Variants in INPP4B observed in about 807,000 individuals in gnomAD.
INPP4B encodes the protein inositol polyphosphate-4-phosphatase type II B.
INPP4B carries 55 observed loss-of-function variants against 122.5 expected under a neutral mutation model. The observed-to-expected ratio is 0.45, with a 90% CI of 0.36 to 0.56. The LOEUF (loss-of-function observed/expected upper bound fraction) is 0.56. Among genes scored for constraint, INPP4B ranks in the 20% least tolerant of loss-of-function variants. The pLI, the probability that INPP4B is intolerant of heterozygous loss-of-function variation, is 0.00. For missense variants in INPP4B, 1,000 were observed against 1,097.7 expected (o/e 0.91, Z 1.26); for synonymous variants, 403 against 388.7 (o/e 1.04, Z -0.43).
chr4:142,779,761 A>AAAT (rs1774515496), intron 1 of INPP4B, among the ~76,000 whole-genome samples: 1 of 152,174 alleles, frequency 6.6e-6, no homozygotes, highest in Non-Finnish European at 1.5e-5. Context: ...AAATGAATAA[A>AAAT]GGGAGGAAAG....
chr4:142,394,320 G>T (rs2173208), intron 7 of INPP4B, among the ~76,000 whole-genome samples: 77,025 of 151,818 alleles, frequency 0.51, 21,819 homozygotes, highest in South Asian at 0.72. Context: ...TGATTTTTTG[G>T]ATTTTTAGTA....
At chr4:142,599,197 A>G (rs1290640061) in intron 2 of INPP4B, among the ~76,000 whole-genome samples, 1 of 152,066 alleles carries the variant, frequency 6.6e-6, no homozygotes, top group African/African-American at 2.4e-5. Flanking sequence ...TTAGCCACCC[A>G]ACCCACTGCT....
At chr4:142,704,526 T>C (rs1347596319) in intron 2 of INPP4B, among the ~76,000 whole-genome samples, 3 of 152,278 alleles carry the variant, frequency 2.0e-5, no homozygotes, top group East Asian at 3.9e-4. Context: ...GCCACAAAAC[T>C]TACACATTCA....
intron 2 of INPP4B, among the ~76,000 whole-genome samples, chr4:142,493,668 T>C (rs1246403317): frequency 6.6e-6 from 1 of 152,216 alleles, no homozygotes; most frequent in Non-Finnish European, 1.5e-5. Context: ...TCAATGCTTG[T>C]AACTCCATTT....
intron 18 of INPP4B, among the ~76,000 whole-genome samples, chr4:142,138,465 A>T (rs542467610): frequency 4.0e-5 from 6 of 151,770 alleles, no homozygotes; most frequent in Admixed American, 3.3e-4. Context: ...GCAGCACACC[A>T]GCATGGCACA....
At chr4:142,435,282 G>GAA (rs1280766238) in intron 3 of INPP4B, among the ~76,000 whole-genome samples, 2 of 151,968 alleles carry the variant, frequency 1.3e-5, no homozygotes, top group African/African-American at 4.8e-5. Flanking sequence ...GTTTTGTTTT[G>GAA]TGCTCTCACT....
At chr4:142,368,479 T>C (rs1406081777) in intron 7 of INPP4B, among the ~76,000 whole-genome samples, 1 of 152,084 alleles carries the variant, frequency 6.6e-6, no homozygotes, top group Admixed American at 6.6e-5. Flanking sequence ...CTAAATAGCA[T>C]GTAACCATTC....
intron 2 of INPP4B, among the ~76,000 whole-genome samples, chr4:142,628,074 G>T (rs892258969): frequency 2.0e-5 from 3 of 151,808 alleles, no homozygotes; most frequent in African/African-American, 7.3e-5. Flanking sequence ...TATACCCAAA[G>T]GACTATAAAT....
chr4:142,189,380 T>C (rs1310311061), intron 15 of INPP4B, among the ~76,000 whole-genome samples: 1 of 152,234 alleles, frequency 6.6e-6, no homozygotes, highest in Non-Finnish European at 1.5e-5. Flanking sequence ...CCTGTTGTAT[T>C]TGATCTATAG....
rs934030479 is a variant in INPP4B at position 142,699,052 on chromosome 4, A to T, written c.-191+26787T>A. 2.0e-5 allele frequency among the ~76,000 whole-genome samples: 3 copies of T among 152,124 alleles called. No individual in the cohort carries two copies. The East Asian group carries it at 5.8e-4, about 29-fold the overall frequency. ...ACCCTCAGATATCCAGTACTGTTTCACGGGTAAAATGGACAGAGGTGGTGC... is the reference window on the plus strand; with the variant it reads ...ACCCTCAGATATCCAGTACTGTTTCTCGGGTAAAATGGACAGAGGTGGTGC... On this transcript the variant is annotated intron_variant, in intron 2 of 25. Coordinates refer to ENST00000262992, the MANE Select transcript of INPP4B (RefSeq NM_001101669.3).
intron 9 of INPP4B, among the ~76,000 whole-genome samples, chr4:142,283,251 G>A (rs1042440022): frequency 6.6e-6 from 1 of 152,050 alleles, no homozygotes; most frequent in Admixed American, 6.6e-5. Context: ...TTCCTACATG[G>A]GGAGATGGTG....
chr4:142,636,672 T>C (rs927352915), intron 2 of INPP4B, among the ~76,000 whole-genome samples: 3 of 152,036 alleles, frequency 2.0e-5, no homozygotes, highest in Non-Finnish European at 4.4e-5. Flanking sequence ...ATGGTATACA[T>C]GTAAGAAAAA....
intron 25 of INPP4B, among the ~76,000 whole-genome samples, chr4:142,053,393 G>A (rs1359328338): frequency 6.6e-6 from 1 of 152,080 alleles, no homozygotes; most frequent in Admixed American, 6.6e-5. Flanking sequence ...TGGTGAGGCT[G>A]GATCTACCAA....
At chr4:142,234,259 A>C (rs1855715015) in intron 12 of INPP4B, among the ~76,000 whole-genome samples, 1 of 152,174 alleles carries the variant, frequency 6.6e-6, no homozygotes, top group Non-Finnish European at 1.5e-5. Context: ...TTTCTTTAGC[A>C]TTTAGGAAGA....
chr4:142,345,962 T>G (rs1285781270), intron 7 of INPP4B, among the ~76,000 whole-genome samples: 1 of 152,016 alleles, frequency 6.6e-6, no homozygotes, highest in Non-Finnish European at 1.5e-5. Flanking sequence ...GATAAACTGT[T>G]TTTTTGTCCC....
At chr4:142,261,450 C>T (rs550840499) in intron 10 of INPP4B, among the ~76,000 whole-genome samples, 6 of 152,068 alleles carry the variant, frequency 3.9e-5, no homozygotes, top group African/African-American at 1.4e-4. Context: ...AGTAAATATA[C>T]CCAATATAAA....
chr4:142,279,635 G>T (rs908585839), intron 9 of INPP4B, among the ~76,000 whole-genome samples: 1 of 151,686 alleles, frequency 6.6e-6, no homozygotes, highest in Non-Finnish European at 1.5e-5. Context: ...ACATAAAAAT[G>T]TAACACTTTA....
intron 1 of INPP4B, among the ~76,000 whole-genome samples, chr4:142,780,771 C>G (rs1774684838): frequency 6.6e-6 from 1 of 152,066 alleles, no homozygotes. Flanking sequence ...GCACTCCAGC[C>G]TGGGTGACAG....
chr4:142,564,467 G>GA (rs1560806545), intron 2 of INPP4B, among the ~76,000 whole-genome samples: 1 of 88,078 alleles, frequency 1.1e-5, no homozygotes, highest in Admixed American at 1.1e-4. Flanking sequence ...AAGAAAGAAA[G>GA]AAAGAAAGAA....
Sources: gnomAD v4.1 joint callset for allele counts (sites outside exome capture counted in the v4.1 genomes callset) on GRCh38, gnomAD v4.1.1 for gene constraint, MANE v1.5 for transcripts, NCBI Gene and HGNC (gene_info 2026-07-23, HGNC 2026-07-21) for gene names.